H2AC8: variants seen among roughly 807,000 people sequenced by gnomAD.
H2AC8 encodes H2A clustered histone 8.
A neutral mutation model predicts 6.3 loss-of-function variants in H2AC8; 9 were observed. The observed-to-expected ratio is 1.43, with a 90% CI of 0.86 to 2.49. H2AC8 has a LOEUF of 2.49. Among genes scored for constraint, H2AC8 ranks in the 30% most tolerant of loss-of-function variants. The pLI, the probability that H2AC8 is intolerant of heterozygous loss-of-function variation, is 0.00. For synonymous variants in H2AC8, 176 were observed against 79.6 expected (o/e 2.21, Z -6.45); for missense variants, 141 against 177.5 (o/e 0.79, Z 1.17).
chr6:26,216,941 G>T, upstream of H2AC8: 1 of 1,611,258 alleles, frequency 6.2e-7, no homozygotes, highest in East Asian at 2.2e-5. Context: ...TTTATTCAGT[G>T]GATTGTTAGT....
At chr6:26,217,127 C>T (rs374749260) in exon 1 of H2AC8, 48 of 1,614,204 alleles carry the variant, frequency 3.0e-5, no homozygotes, top group Middle Eastern at 3.3e-4. Flanking sequence ...CTCCAGTGTA[C>T]CTGGCAGCGG....
chr6:26,217,121 A>G lies in H2AC8; in HGVS notation c.147A>G (p.Pro49=), dbSNP rs771562259. ...CCGAACGAGTCGGGGCCGGCGCTCCAGTGTACCTGGCAGCGGTGCTGGAAT... is the reference window on the plus strand; with the variant it reads ...CCGAACGAGTCGGGGCCGGCGCTCCGGTGTACCTGGCAGCGGTGCTGGAAT... Residue 49 remains proline (P), a synonymous_variant, in exon 1 of 1, where the codon CCA becomes CCG. Coordinates refer to ENST00000303910, the Ensembl canonical transcript of H2AC8. The G allele has an allele frequency of 2.5e-6, 4 of 1,614,128 alleles. No individual in the cohort carries two copies. The South Asian group carries it at 4.4e-5, about 18-fold the overall frequency.
At chr6:26,217,163 C>T in exon 1 of H2AC8, 1 of 1,614,200 alleles carries the variant, frequency 6.2e-7, no homozygotes. Context: ...CGGCCGAGAT[C>T]TTAGAGCTAG....
exon 1 of H2AC8, chr6:26,217,314 G>A: frequency 6.2e-7 from 1 of 1,614,164 alleles, no homozygotes; most frequent in Non-Finnish European, 8.5e-7. Flanking sequence ...CAACATCCAG[G>A]CCGTATTGCT....
chr6:26,217,262 GCTT>G (rs1765434152), exon 1 of H2AC8: 4 of 1,614,222 alleles, frequency 2.5e-6, no homozygotes, highest in Non-Finnish European at 2.5e-6. Context: ...AGCTAAATAA[GCTT>G]CTAGGTCGCG....
upstream of H2AC8, chr6:26,216,945 T>C (rs1344708338): frequency 2.4e-5 from 39 of 1,612,102 alleles, no homozygotes; most frequent in Admixed American, 5.0e-4. Flanking sequence ...TTCAGTGGAT[T>C]GTTAGTTCTT....
exon 1 of H2AC8, chr6:26,217,299 C>T (rs1765434988): frequency 5.0e-6 from 8 of 1,614,232 alleles, no homozygotes; most frequent in Non-Finnish European, 5.9e-6. Context: ...GGGCGGTGTC[C>T]TGCCCAACAT....
exon 1 of H2AC8, chr6:26,217,401 A>C: frequency 6.3e-7 from 1 of 1,595,270 alleles, no homozygotes; most frequent in Non-Finnish European, 8.5e-7. Context: ...AGTGATCCCG[A>C]GTCCCAGAAA....
At chr6:26,217,437 A>G in exon 1 of H2AC8, 1 of 1,509,654 alleles carries the variant, frequency 6.6e-7, no homozygotes, top group Non-Finnish European at 9.0e-7. Context: ...AGAGCCACCC[A>G]CCTTTTCTGT....
chr6:26,217,188 C>A, exon 1 of H2AC8: 1 of 1,614,154 alleles, frequency 6.2e-7, no homozygotes, highest in Non-Finnish European at 8.5e-7. Flanking sequence ...CAACGCGGCT[C>A]GCGACAATAA....
chr6:26,217,273 G>A, exon 1 of H2AC8: 1 of 1,614,214 alleles, frequency 6.2e-7, no homozygotes, highest in Non-Finnish European at 8.5e-7. Flanking sequence ...CTTCTAGGTC[G>A]CGTGACCATC....
exon 1 of H2AC8, chr6:26,217,041 G>A: frequency 6.2e-7 from 1 of 1,614,172 alleles, no homozygotes; most frequent in African/African-American, 1.3e-5. Flanking sequence ...TTCCAGGGCC[G>A]GTCTTCAGTT....
At chr6:26,217,083 A>C in exon 1 of H2AC8, 1 of 1,614,192 alleles carries the variant, frequency 6.2e-7, no homozygotes, top group Non-Finnish European at 8.5e-7. Flanking sequence ...CCTCCTCCGC[A>C]AAGGCAACTA....
At chr6:26,217,015 A>C (rs1765425357) in exon 1 of H2AC8, 1 of 1,614,024 alleles carries the variant, frequency 6.2e-7, no homozygotes, top group African/African-American at 1.3e-5. Flanking sequence ...GCTCGGGCAA[A>C]AGCTAAAACG....
chr6:26,217,024 C>T (rs1471222617), exon 1 of H2AC8: 3 of 1,614,076 alleles, frequency 1.9e-6, no homozygotes, highest in Middle Eastern at 1.6e-4. Flanking sequence ...AAAGCTAAAA[C>T]GCGTTCTTCC....
chr6:26,217,217 G>T, exon 1 of H2AC8: 1 of 1,614,144 alleles, frequency 6.2e-7, no homozygotes, highest in Non-Finnish European at 8.5e-7. Context: ...GCATCATCCC[G>T]CGCCACCTGC....
upstream of H2AC8, chr6:26,216,969 G>C (rs576860709): frequency 1.2e-6 from 2 of 1,614,066 alleles, no homozygotes; most frequent in South Asian, 2.2e-5. Flanking sequence ...CTGTTAGGAA[G>C]CCACTATGTC....
chr6:26,216,924 CTTTT>C, upstream of H2AC8: 1 of 1,598,596 alleles, frequency 6.3e-7, no homozygotes, highest in Non-Finnish European at 8.5e-7. Context: ...CGAGCCCATT[CTTTT>C]TCTTTATTCA....
chr6:26,217,328 T>C (rs767581736), exon 1 of H2AC8: 1 of 1,614,150 alleles, frequency 6.2e-7, no homozygotes, highest in East Asian at 2.2e-5. Context: ...TATTGCTGCC[T>C]AAGAAGACGG....
Sources: gnomAD v4.1 joint callset for allele counts on GRCh38, gnomAD v4.1.1 for gene constraint, MANE v1.5 for transcripts, NCBI Gene and HGNC (gene_info 2026-07-23, HGNC 2026-07-21) for gene names.